Variants in IGSF11 observed in about 807,000 individuals in gnomAD.
IGSF11 encodes CXADR like 1.
A neutral mutation model predicts 41.0 loss-of-function variants in IGSF11; 22 were observed. That is an observed-to-expected ratio of 0.54 (90% CI 0.38 to 0.77). IGSF11 has a LOEUF of 0.77. Among genes scored for constraint, IGSF11 ranks in the 30% least tolerant of loss-of-function variants. The pLI is 0.00. For synonymous variants in IGSF11, 219 were observed against 201.3 expected, an observed-to-expected ratio of 1.09 and a Z score of -0.74; for missense variants, 444 against 530.8, an observed-to-expected ratio of 0.84 and a Z score of 1.61.
At chr3:118,904,949 C>T in intron 5 of IGSF11, 151 bp from the exon 6 acceptor site, 1 of 609,064 alleles carries the variant, frequency 1.6e-6, no homozygotes. Context: ...AAAGTTAAAC[C>T]TCAATTAACT....
chr3:118,965,171 C>T (rs1945584651), intron 1 of IGSF11, among the ~76,000 whole-genome samples: 1 of 152,050 alleles, frequency 6.6e-6, no homozygotes, highest in Admixed American at 6.6e-5. Context: ...TAAAAATATA[C>T]TTTAGCATAT....
chr3:119,082,457 C>A (rs1329171959), intron 1 of IGSF11, among the ~76,000 whole-genome samples: 1 of 152,058 alleles, frequency 6.6e-6, no homozygotes. Flanking sequence ...GTTCTAAGAA[C>A]AGAGAAAAAT....
At chr3:119,101,154 A>G (rs1223780747) in intron 1 of IGSF11, among the ~76,000 whole-genome samples, 1 of 152,230 alleles carries the variant, frequency 6.6e-6, no homozygotes, top group Non-Finnish European at 1.5e-5. Context: ...CATTTCTAAT[A>G]CAAATGATTT....
chr3:118,986,645 T>C (rs1013877190), intron 1 of IGSF11, among the ~76,000 whole-genome samples: 2 of 152,200 alleles, frequency 1.3e-5, no homozygotes. Flanking sequence ...GCAGTGGCTA[T>C]AGTCTGTTTT....
At position 118,902,059 on chromosome 3, in the gene IGSF11, C is replaced by T. The variant is rs528378012; in HGVS notation, c.*461G>A. 401 of 161,090 alleles carry T rather than the reference C, an allele frequency of 2.5e-3. 3 individuals are homozygous for T. Among genetic ancestry groups the T allele is most frequent in the Non-Finnish European group, 4.5e-3 (327 of 72,892 alleles). 10.0% of individuals were successfully genotyped at this position (161,090 alleles called of 1,614,324 possible). A position where few individuals can be genotyped will look rare whatever the true frequency, so the allele number is the denominator to read the frequency against. On this transcript the variant is annotated 3_prime_UTR_variant, in exon 7 of 7. Coordinates refer to ENST00000393775, the MANE Select transcript of IGSF11 (RefSeq NM_001015887.3). Reference sequence around the variant, plus strand: ...TTAACCATTTATACCATTAAGCCCTCTATATAACGAGGGAATTGGGAGAGA... The same window carrying T: ...TTAACCATTTATACCATTAAGCCCTTTATATAACGAGGGAATTGGGAGAGA...
rs536308005 is a variant in IGSF11, at chr3:119,138,483, G to A, written c.-14+7330C>T. On this transcript the variant is annotated intron_variant, in intron 1 of 7. Coordinates refer to the IGSF11 transcript ENST00000425327. ...GCAGATCACTTGAGTTCTGGAATTC[G>A]AGACCAGCCTGGCCAACATGGTGAA... Among the ~76,000 whole-genome samples the A allele has an allele frequency of 1.3e-3, 205 of 152,260 alleles. 9 individuals are homozygous for A. The South Asian group carries it at 0.04, about 30-fold the overall frequency.
At chr3:118,950,769 A>G (rs1322950256) in intron 1 of IGSF11, among the ~76,000 whole-genome samples, 2 of 152,190 alleles carry the variant, frequency 1.3e-5, no homozygotes, top group East Asian at 1.9e-4. Context: ...CTGTTCCCCT[A>G]TGGAATTTTC....
chr3:118,955,219 T>C (rs975557065), intron 1 of IGSF11, among the ~76,000 whole-genome samples: 47 of 144,500 alleles, frequency 3.3e-4, no homozygotes, highest in African/African-American at 9.7e-4. Flanking sequence ...TATATGTACA[T>C]ACACACACAC....
chr3:118,918,958 A>T (rs1576364151), intron 4 of IGSF11, among the ~76,000 whole-genome samples: 1 of 101,548 alleles, frequency 9.8e-6, no homozygotes, highest in South Asian at 4.8e-4. Context: ...AACGCCGCAT[A>T]CCTACAACTA....
chr3:118,959,802 C>T lies in IGSF11; in HGVS notation c.53-29527G>A, dbSNP rs1373883455. Among the ~76,000 whole-genome samples the T allele has an allele frequency of 2.6e-5, 4 of 152,084 alleles. No homozygotes were observed. In the East Asian group the frequency reaches 5.8e-4, roughly 22 times the overall value. ...AGTAGCTCACACCTGTAATCCAGCA[C>T]TTTGGGAGGCCAAGGCGGGCAGATC... On this transcript the variant is annotated intron_variant, in intron 1 of 6. Coordinates refer to ENST00000393775, the MANE Select transcript of IGSF11 (RefSeq NM_001015887.3).
chr3:118,960,993 C>T (rs939506888), intron 1 of IGSF11, among the ~76,000 whole-genome samples: 2 of 152,164 alleles, frequency 1.3e-5, no homozygotes, highest in Non-Finnish European at 2.9e-5. Context: ...ATCTGACCTG[C>T]CAAAACAGCT....
chr3:119,098,010 C>T (rs902535855), intron 1 of IGSF11, among the ~76,000 whole-genome samples: 3 of 121,330 alleles, frequency 2.5e-5, no homozygotes, highest in African/African-American at 9.3e-5. Context: ...TGCCATGTTG[C>T]CCAGGCCTCC....
chr3:119,129,813 T>C (rs2077452641), intron 1 of IGSF11, among the ~76,000 whole-genome samples: 1 of 152,090 alleles, frequency 6.6e-6, no homozygotes, highest in African/African-American at 2.4e-5. Flanking sequence ...AGTGAGACAC[T>C]GTCTCTGAAA....
intron 1 of IGSF11, among the ~76,000 whole-genome samples, chr3:119,096,726 C>T (rs60977456): frequency 0.018 from 2,714 of 152,218 alleles, 83 homozygotes; most frequent in African/African-American, 0.06. Flanking sequence ...AATGCCAAGG[C>T]GTATCAAAGG....
chr3:118,980,337 G>C (rs564224350), intron 1 of IGSF11, among the ~76,000 whole-genome samples: 2 of 152,150 alleles, frequency 1.3e-5, no homozygotes, highest in Non-Finnish European at 2.9e-5. Context: ...GAAATCTATT[G>C]ACCATAAAAA....
At chr3:119,113,199 C>G (rs577737249) in intron 1 of IGSF11, among the ~76,000 whole-genome samples, 1 of 152,212 alleles carries the variant, frequency 6.6e-6, no homozygotes, top group South Asian at 2.1e-4. Flanking sequence ...ACCCCTGGCC[C>G]CTCCCAAATC....
intron 1 of IGSF11, among the ~76,000 whole-genome samples, chr3:118,977,456 G>C (rs1227427210): frequency 2.0e-5 from 3 of 152,118 alleles, no homozygotes; most frequent in African/African-American, 7.2e-5. Context: ...GCTGATTAGA[G>C]GCATCTCCTA....
intron 1 of IGSF11, among the ~76,000 whole-genome samples, chr3:119,121,298 CA>C (rs1296552655): frequency 6.6e-6 from 1 of 151,892 alleles, no homozygotes; most frequent in African/African-American, 2.4e-5. Context: ...GTAAAGGAAC[CA>C]TGAGTAAAGA....
upstream of IGSF11, among the ~76,000 whole-genome samples, chr3:119,110,213 G>C (rs1236317557): frequency 6.6e-6 from 1 of 151,804 alleles, no homozygotes; most frequent in Admixed American, 6.6e-5. Flanking sequence ...CATTATTATT[G>C]TGTGGGAGTC....
Sources: gnomAD v4.1 joint callset for allele counts (sites outside exome capture counted in the v4.1 genomes callset) on GRCh38, gnomAD v4.1.1 for gene constraint, MANE v1.5 for transcripts, NCBI Gene and HGNC (gene_info 2026-07-23, HGNC 2026-07-21) for gene names.